Variants in RERE observed in about 807,000 individuals in gnomAD.
The protein encoded by RERE is arginine-glutamic acid dipeptide repeats.
A neutral mutation model predicts 146.1 loss-of-function variants in RERE; 40 were observed. The ratio of observed to expected loss-of-function variants is 0.27; its 90% confidence interval spans 0.21 to 0.36. The LOEUF is 0.36. Ranked by LOEUF, RERE falls within the 10% of genes least tolerant of loss-of-function variation. The probability of loss-of-function intolerance (pLI) is 1.00; values close to 1 mark genes in which losing one functional copy is unlikely to be tolerated. For missense variants in RERE, 1,933 were observed against 2,138.7 expected (o/e 0.90, Z 1.90); for synonymous variants, 1,003 against 866.0 (o/e 1.16, Z -2.78).
At chr1:8,655,209 G>A (rs1169670304) in intron 2 of RERE, among the ~76,000 whole-genome samples, 1 of 150,426 alleles carries the variant, frequency 6.6e-6, no homozygotes, top group African/African-American at 2.4e-5. Context: ...GATCTTCAGG[G>A]CTTTTTTTTT....
intron 2 of RERE, among the ~76,000 whole-genome samples, chr1:8,648,381 A>G (rs1462227139): frequency 1.3e-5 from 2 of 152,046 alleles, no homozygotes; most frequent in Non-Finnish European, 2.9e-5. Context: ...ACAGGAGCAC[A>G]CCACCAAGCC....
chr1:8,797,373 G>A (rs571177732), intron 1 of RERE, among the ~76,000 whole-genome samples: 19 of 42,188 alleles, frequency 4.5e-4, no homozygotes, highest in African/African-American at 2.3e-3. Context: ...GTAAGACTCC[G>A]CCTAAAAAAA....
chr1:8,676,472 T>TAA (rs368593389), intron 1 of RERE, among the ~76,000 whole-genome samples: 5 of 145,734 alleles, frequency 3.4e-5, no homozygotes, highest in African/African-American at 1.3e-4. Context: ...TTTTTTACAC[T>TAA]AAAAAAAAAA....
At chr1:8,431,531 A>T (rs529300836) in intron 11 of RERE, among the ~76,000 whole-genome samples, 1 of 152,224 alleles carries the variant, frequency 6.6e-6, no homozygotes, top group East Asian at 1.9e-4. Context: ...AGTGCACAAT[A>T]AATGTAATGC....
chr1:8,806,686 C>G (rs1641699635), intron 1 of RERE: 1 of 151,956 alleles, frequency 6.6e-6, no homozygotes, highest in African/African-American at 2.4e-5. Flanking sequence ...CTGAAGTGAC[C>G]AAAGCAGATG....
intron 10 of RERE, among the ~76,000 whole-genome samples, chr1:8,471,221 G>A (rs1352950510): frequency 1.3e-5 from 2 of 152,230 alleles, no homozygotes; most frequent in African/African-American, 4.8e-5. Flanking sequence ...AATTACTGGC[G>A]ATCAGGACAT....
At chr1:8,457,025 G>C (rs1266726520) in intron 11 of RERE, among the ~76,000 whole-genome samples, 1 of 152,104 alleles carries the variant, frequency 6.6e-6, no homozygotes, top group Non-Finnish European at 1.5e-5. Context: ...TGTCTGTTTT[G>C]TTCACTGCTG....
chr1:8,644,235 T>C (rs932290707), intron 2 of RERE, among the ~76,000 whole-genome samples: 1 of 152,164 alleles, frequency 6.6e-6, no homozygotes, highest in African/African-American at 2.4e-5. Context: ...GACATGTGCA[T>C]GCAATTCAAG....
chr1:8,372,592 C>G (rs561077563), intron 12 of RERE, among the ~76,000 whole-genome samples: 2 of 150,042 alleles, frequency 1.3e-5, no homozygotes, highest in Non-Finnish European at 3.0e-5. Context: ...TAACCGTATG[C>G]GCACCCCCTT....
intron 1 of RERE, among the ~76,000 whole-genome samples, chr1:8,804,237 T>A (rs1205321478): frequency 6.6e-6 from 1 of 152,196 alleles, no homozygotes; most frequent in Non-Finnish European, 1.5e-5. Context: ...AAGATCAGAA[T>A]GTTCAAATCA....
intron 11 of RERE, among the ~76,000 whole-genome samples, chr1:8,453,553 C>T (rs1197719171): frequency 1.3e-5 from 2 of 152,194 alleles, no homozygotes; most frequent in Admixed American, 1.3e-4. Context: ...CACCTGTAAT[C>T]CCAGCACTCT....
At chr1:8,579,842 A>G (rs1363817335) in intron 4 of RERE, among the ~76,000 whole-genome samples, 2 of 152,184 alleles carry the variant, frequency 1.3e-5, no homozygotes, top group Non-Finnish European at 2.9e-5. Flanking sequence ...CGTCTCTACT[A>G]AAAATACAAA....
chr1:8,488,952 C>T (rs1158060446), intron 10 of RERE, among the ~76,000 whole-genome samples: 3 of 152,058 alleles, frequency 2.0e-5, no homozygotes, highest in Non-Finnish European at 2.9e-5. Context: ...AGCACAGAAA[C>T]AATCTTTGTA....
intron 3 of RERE, 34 bp downstream of exon 3, chr1:8,624,276 A>T: frequency 6.8e-7 from 1 of 1,474,276 alleles, no homozygotes; most frequent in African/African-American, 1.4e-5. Context: ...GAGAGAATAC[A>T]GAGCAGAGTG....
At chr1:8,667,752 G>C (rs1410196900) in intron 1 of RERE, among the ~76,000 whole-genome samples, 1 of 152,210 alleles carries the variant, frequency 6.6e-6, no homozygotes, top group Non-Finnish European at 1.5e-5. Context: ...ACTTTTAAAT[G>C]TGAAGCTTTT....
intron 1 of RERE, among the ~76,000 whole-genome samples, chr1:8,759,561 T>C (rs1319357382): frequency 6.6e-6 from 1 of 152,230 alleles, no homozygotes; most frequent in Non-Finnish European, 1.5e-5. Flanking sequence ...TGCAAAATTC[T>C]TTCTTCTCTC....
At chr1:8,653,923 T>A (rs1647775870) in intron 2 of RERE, among the ~76,000 whole-genome samples, 1 of 152,060 alleles carries the variant, frequency 6.6e-6, no homozygotes, top group African/African-American at 2.4e-5. Context: ...CTCTAAAACC[T>A]CCACTCTGAT....
At position 8,356,214 on chromosome 1, in the gene RERE, G is replaced by A. The variant is rs754199741; in HGVS notation, c.4372C>T (p.Pro1458Ser). The A allele has an allele frequency of 1.3e-6, 2 of 1,525,678 alleles. No homozygotes were observed. The highest frequency in any genetic ancestry group is 1.3e-5 in the South Asian group (1 of 77,720). The allele number at this position is 1,525,678 out of a possible 1,614,324, so 94.5% of individuals were successfully genotyped here. The change falls in exon 21 of 23, where the codon CCC becomes TCC. Residue 1458 changes from proline to serine, a missense_variant. Physicochemically the swap from Pro to Ser is moderately conservative, Grantham distance 74 (BLOSUM62 -1). This residue lies in a region of RERE where 133 missense variants were observed against 168.6 expected (regional missense o/e 0.79). Transcript: ENST00000400908. The surrounding 1 kb of genome is among the most constrained non-coding windows in gnomAD (Gnocchi z 5.2). ...GCCAGGTGGGGACCGGCAGTCAGGG[G>A]GTCGACCAGCGGGTGAACGGGGCCT... ...SAGPVHPLVDPLTAGPHLARF... is the reference protein window; with the variant it reads ...SAGPVHPLVDSLTAGPHLARF...
At chr1:8,592,360 C>T (rs1474326889) in intron 4 of RERE, among the ~76,000 whole-genome samples, 1 of 152,028 alleles carries the variant, frequency 6.6e-6, no homozygotes, top group East Asian at 1.9e-4. Flanking sequence ...GTCTCGACCT[C>T]CCCAGGCTCA....
Sources: gnomAD v4.1 joint callset for allele counts (sites outside exome capture counted in the v4.1 genomes callset) on GRCh38, gnomAD v4.1.1 for gene constraint, gnomAD v4.1.1 regional missense constraint, Gnocchi (gnomAD v3.1) non-coding constraint, MANE v1.5 for transcripts, NCBI Gene and HGNC (gene_info 2026-07-23, HGNC 2026-07-21) for gene names.